The following DNM2 variants were observed in gnomAD, a reference collection of about 807,000 sequenced individuals.
DNM2 encodes the protein dynamin-2.
In DNM2, 15 loss-of-function variants were observed where a neutral mutation model predicts 99.0. The ratio of observed to expected loss-of-function variants is 0.15; its 90% CI spans 0.10 to 0.23. The LOEUF (loss-of-function observed/expected upper bound fraction) is 0.23. Among genes scored for constraint, DNM2 ranks in the 10% least tolerant of loss-of-function variants. The pLI, the probability that DNM2 is intolerant of heterozygous loss-of-function variation, is 1.00. For missense variants in DNM2, 742 were observed against 1,189.4 expected (o/e 0.62, Z 5.53); for synonymous variants, 525 against 481.2 (o/e 1.09, Z -1.19).
rs904686742 is a variant in DNM2 at position 10,796,258 on chromosome 19, G to C, written c.1196+819G>C. On this transcript the variant is annotated intron_variant, in intron 9 of 20. Transcript: ENST00000389253. This position sits in a 1 kb window ranked among gnomAD's most constrained non-coding sequence, Gnocchi z 5.6. ...TGTGGAAACGGGGGTACGGGGGTTT[G>C]GTATCAGGCTCCCAGCGCCTCATTG... 2 of 1,611,648 alleles carry C rather than the reference G, an allele frequency of 1.2e-6. No homozygotes were observed. Among genetic ancestry groups the C allele is most frequent in the Admixed American group, 3.3e-5 (2 of 59,978 alleles).
At chr19:10,760,611 C>T (rs550172238) in intron 2 of DNM2, among the ~76,000 whole-genome samples, 1 of 152,126 alleles carries the variant, frequency 6.6e-6, no homozygotes, top group African/African-American at 2.4e-5. Context: ...ATGCTATACT[C>T]TTTTGTAATC....
chr19:10,753,185 T>C (rs2070259672), intron 1 of DNM2, among the ~76,000 whole-genome samples: 3 of 152,190 alleles, frequency 2.0e-5, no homozygotes, highest in Admixed American at 2.0e-4. Flanking sequence ...TTGCTTGGCA[T>C]AGAGTCAGTG....
intron 1 of DNM2, among the ~76,000 whole-genome samples, chr19:10,728,869 C>T (rs1430133426): frequency 1.3e-5 from 2 of 151,686 alleles, no homozygotes; most frequent in African/African-American, 4.8e-5. Flanking sequence ...ATCTCCTGAG[C>T]CCAGGAATTC....
intron 1 of DNM2, among the ~76,000 whole-genome samples, chr19:10,756,692 C>T (rs1057128618): frequency 9.2e-5 from 14 of 152,080 alleles, no homozygotes; most frequent in African/African-American, 2.4e-4. Flanking sequence ...GGCCAGGGCT[C>T]GTCCCCCAGA....
intron 1 of DNM2, among the ~76,000 whole-genome samples, chr19:10,746,549 G>A (rs1339598920): frequency 2.6e-5 from 4 of 151,770 alleles, no homozygotes; most frequent in South Asian, 2.1e-4. Context: ...TCAGCCTCCC[G>A]AGTAGCTGAG....
In DNM2 at chr19:10,772,280, C is replaced by T. The variant is rs2071009071; in HGVS notation, c.236-199C>T. ...ATTTTTAGTAGAGACAGGGTTTCACCATGTTAGTGAGGATGGTCTGAATCT... is the reference window on the plus strand; with the variant it reads ...ATTTTTAGTAGAGACAGGGTTTCACTATGTTAGTGAGGATGGTCTGAATCT... On this transcript the variant is annotated intron_variant, in intron 2 of 20. Transcript: ENST00000389253. This position sits in a 1 kb window ranked among gnomAD's most constrained non-coding sequence, Gnocchi z 4.9. Among the ~76,000 whole-genome samples, 1 of 151,968 alleles carries T rather than the reference C, an allele frequency of 6.6e-6. No homozygotes were observed. Among genetic ancestry groups the T allele is most frequent in the African/African-American group, 2.4e-5 (1 of 41,356 alleles).
At chr19:10,749,223 T>C (rs930047861) in intron 1 of DNM2, among the ~76,000 whole-genome samples, 3 of 152,144 alleles carry the variant, frequency 2.0e-5, no homozygotes, top group Non-Finnish European at 4.4e-5. Context: ...GCCTGCATCG[T>C]TCCTGCACGT....
chr19:10,786,150 C>G (rs1015098482), intron 6 of DNM2, among the ~76,000 whole-genome samples: 1 of 152,204 alleles, frequency 6.6e-6, no homozygotes, highest in Non-Finnish European at 1.5e-5. Flanking sequence ...GATGCAGATG[C>G]AGCCGGGGAG....
In DNM2 at chr19:10,830,251, G is replaced by T; in HGVS notation, c.2416G>T (p.Ala806Ser). 6.2e-7 allele frequency: 1 copy of T among 1,613,938 alleles called. No individual in the cohort carries two copies. The highest frequency in any genetic ancestry group is 8.5e-7 in the Non-Finnish European group (1 of 1,179,918). ...CGTGGGGGCAGCAGCCTCCTTCTCG[G>T]CGCCCCCAATCCCATCCCGGCCTGG... is the stretch of plus-strand genomic sequence containing the variant. ...VPVGAAASFS[A>S]PPIPSRPGPQ... The change falls in exon 20 of 21, where the codon GCG becomes TCG. Residue 806 changes from alanine (A) to serine (S), a missense_variant. This residue lies in a region of DNM2 where 187 missense variants were observed against 218.8 expected (regional missense o/e 0.85). Coordinates refer to ENST00000389253, the MANE Select transcript of DNM2 (RefSeq NM_001005361.3). The surrounding 1 kb of genome is among the most constrained non-coding windows in gnomAD (Gnocchi z 4.8).
Position 10,829,085 on chromosome 19 carries a change from CAGA to C in DNM2, c.2109_2111del (p.Asp704del). The C allele has an allele frequency of 6.2e-7, 1 of 1,613,952 alleles. No homozygotes were observed. The highest frequency in any genetic ancestry group is 8.5e-7 in the Non-Finnish European group (1 of 1,179,992). On this transcript the variant is annotated inframe_deletion, in exon 19 of 21. Coordinates refer to ENST00000389253, the MANE Select transcript of DNM2 (RefSeq NM_001005361.3). ...CTGCTGGCCTACCTATACTCCTCGG[CAGA>C]CCAGAGCAGCCTCATGGAGGAGTCG...
chr19:10,775,641 G>A lies in DNM2; in HGVS notation c.386-62G>A, dbSNP rs1038086615. ...CTTTGGTAGTCAGCTGGGTGGCTGCGGGCCTGTTTGTGCCTCCCCTCTCCT... is the reference window on the plus strand; with the variant it reads ...CTTTGGTAGTCAGCTGGGTGGCTGCAGGCCTGTTTGTGCCTCCCCTCTCCT... On this transcript the variant is annotated intron_variant, in intron 3 of 20. Transcript: ENST00000389253. The surrounding 1 kb of genome is among the most constrained non-coding windows in gnomAD (Gnocchi z 4.3). 6.7e-5 allele frequency: 106 copies of A among 1,591,412 alleles called. No homozygotes were observed. The highest frequency in any genetic ancestry group is 4.2e-4 in the South Asian group (38 of 90,312).
intron 13 of DNM2, among the ~76,000 whole-genome samples, chr19:10,808,240 G>A (rs2146091976): frequency 6.6e-6 from 1 of 152,238 alleles, no homozygotes; most frequent in East Asian, 1.9e-4. Context: ...GGTGGGGGCG[G>A]GGACTCCACC....
intron 3 of DNM2, among the ~76,000 whole-genome samples, chr19:10,774,083 T>G (rs913660205): frequency 6.6e-6 from 1 of 152,208 alleles, no homozygotes; most frequent in African/African-American, 2.4e-5. Context: ...TACAGAAAGG[T>G]ATATCGCAAA....
At chr19:10,781,045 G>A (rs976118881) in intron 5 of DNM2, among the ~76,000 whole-genome samples, 12 of 137,018 alleles carry the variant, frequency 8.8e-5, no homozygotes, top group African/African-American at 2.3e-4. Flanking sequence ...AAAAAAATCC[G>A]TGTGTGATGG....
At chr19:10,759,442 G>A (rs1054953099) in intron 1 of DNM2, among the ~76,000 whole-genome samples, 2 of 151,734 alleles carry the variant, frequency 1.3e-5, no homozygotes, top group Non-Finnish European at 1.5e-5. Flanking sequence ...CTGGGTATGG[G>A]GGAAATTTAA....
At position 10,795,271 on chromosome 19, in the gene DNM2, T is replaced by G; in HGVS notation, c.1129-101T>G. 4.6e-6 allele frequency: 5 copies of G among 1,096,914 alleles called. No individual in the cohort carries two copies. The highest frequency in any genetic ancestry group is 7.0e-6 in the Non-Finnish European group (5 of 713,104). 67.9% of individuals were successfully genotyped at this position (1,096,914 alleles called of 1,614,324 possible). ...TTGACGAGTTAAATATTCTGCCTTG[T>G]GAATATAGCCACACGTGGGAGAGAA... On this transcript the variant is annotated intron_variant, in intron 8 of 20. Transcript: ENST00000389253. The surrounding 1 kb of genome is among the most constrained non-coding windows in gnomAD (Gnocchi z 4.2).
At position 10,812,924 on chromosome 19, in the gene DNM2, G is replaced by A. The variant is rs956726083; in HGVS notation, c.1671+547G>A. Among the ~76,000 whole-genome samples, 25 of 152,352 alleles carry A rather than the reference G, an allele frequency of 1.6e-4. No individual in the cohort carries two copies. The highest frequency in any genetic ancestry group is 6.0e-4 in the African/African-American group (25 of 41,586). ...TGCAAAAGGGAGATGGAGGGTGATG[G>A]AGTCACTAGCAGGCTAGAAACAGGC... On this transcript the variant is annotated intron_variant, in intron 15 of 20. Transcript: ENST00000389253. The surrounding 1 kb of genome is among the most constrained non-coding windows in gnomAD (Gnocchi z 4.0).
chr19:10,786,351 C>G, intron 6 of DNM2: 1 of 769,000 alleles, frequency 1.3e-6, no homozygotes, highest in African/African-American at 1.7e-5. Context: ...TGTTTGTAGC[C>G]TCTTACACTC....
chr19:10,831,781 G>A lies in DNM2; in HGVS notation c.*734G>A. 1 of 986,898 alleles carries A rather than the reference G, an allele frequency of 1.0e-6. No individual in the cohort carries two copies. Among genetic ancestry groups the A allele is most frequent in the Non-Finnish European group, 1.2e-6 (1 of 830,778 alleles). 61.1% of individuals were successfully genotyped at this position (986,898 alleles called of 1,614,324 possible). Reference sequence around the variant, plus strand: ...GCTCCCGCCCATGCCTCCCTGATGGGTGGGCCCAGGGCGGCCTCTCTCTGA... The same window carrying A: ...GCTCCCGCCCATGCCTCCCTGATGGATGGGCCCAGGGCGGCCTCTCTCTGA... On this transcript the variant is annotated 3_prime_UTR_variant, in exon 21 of 21. Transcript: ENST00000389253. This position sits in a 1 kb window ranked among gnomAD's most constrained non-coding sequence, Gnocchi z 4.3.
Sources: allele counts gnomAD v4.1 joint callset (sites outside exome capture counted in the v4.1 genomes callset), GRCh38; gene constraint gnomAD v4.1.1; regional missense constraint gnomAD v4.1.1; non-coding constraint Gnocchi (gnomAD v3.1); transcripts MANE v1.5; gene names NCBI Gene and HGNC (gene_info 2026-07-23, HGNC 2026-07-21).